The following RNF43 variants were observed in gnomAD, a reference collection of about 807,000 sequenced individuals.
The protein encoded by RNF43 is ring finger protein 43, also known as E3 ubiquitin-protein ligase RNF43.
A neutral mutation model predicts 78.4 loss-of-function variants in RNF43; 37 were observed. The observed-to-expected ratio is 0.47, with a 90% CI of 0.36 to 0.62. RNF43 has a LOEUF of 0.62. Ranked by LOEUF, RNF43 falls within the 20% of genes least tolerant of loss-of-function variation. RNF43 has a pLI of 0.00. For synonymous variants in RNF43, 347 were observed against 395.0 expected (o/e 0.88, Z 1.44); for missense variants, 774 against 1,007.9 (o/e 0.77, Z 3.14).
chr17:58,377,576 G>A (rs554557329), intron 2 of RNF43, among the ~76,000 whole-genome samples: 57 of 152,170 alleles, frequency 3.7e-4, no homozygotes, highest in Non-Finnish European at 6.2e-4. Context: ...CTTAATGCTG[G>A]TCTCCCCTTA....
In RNF43 at chr17:58,393,777, G is replaced by A. The variant is rs116503817; in HGVS notation, c.252+21549C>T. Among the ~76,000 whole-genome samples the A allele has an allele frequency of 6.8e-3, 1,033 of 152,256 alleles. 11 individuals carry two copies. The highest frequency in any genetic ancestry group is 0.023 in the African/African-American group (948 of 41,554). ...TGAATAGAAACACAACTGGAGGGCC[G>A]GGCGCGGTGGCTCACGCCTGTAATC... On this transcript the variant is annotated intron_variant, in intron 2 of 9. Coordinates refer to ENST00000407977, the MANE Select transcript of RNF43 (RefSeq NM_017763.6).
At chr17:58,370,169 C>T (rs143068999) in intron 3 of RNF43, among the ~76,000 whole-genome samples, 1,805 of 147,248 alleles carry the variant, frequency 0.012, 16 homozygotes, top group Middle Eastern at 0.04. Flanking sequence ...CCTGGGTTCA[C>T]ACCATTCTCC....
chr17:58,362,925 G>T (rs1972868197), intron 5 of RNF43, among the ~76,000 whole-genome samples: 1 of 152,244 alleles, frequency 6.6e-6, no homozygotes, highest in Non-Finnish European at 1.5e-5. Context: ...CAAGGTGGGA[G>T]TTTCTTGCCA....
Position 58,354,852 on chromosome 17 carries a change from G to T in RNF43, c.*91C>A. ...GGCAAAAAGAATGGTGTTTGCTGTG[G>T]TCCTTTCCTTTCCCAGGAGCAGGAC... On this transcript the variant is annotated 3_prime_UTR_variant, in exon 10 of 10. Transcript: ENST00000407977. 4 of 1,148,210 alleles carry T rather than the reference G, an allele frequency of 3.5e-6. No individual in the cohort carries two copies. Among genetic ancestry groups the T allele is most frequent in the South Asian group, 1.2e-5 (1 of 80,546 alleles). 71.1% of individuals were successfully genotyped at this position (1,148,210 alleles called of 1,614,324 possible).
At chr17:58,390,608 G>A (rs1973532194) in intron 2 of RNF43, among the ~76,000 whole-genome samples, 2 of 152,182 alleles carry the variant, frequency 1.3e-5, no homozygotes, top group Non-Finnish European at 1.5e-5. Flanking sequence ...ATCAGAAAAG[G>A]GTCTTCTGAA....
At chr17:58,361,193 C>T (rs1056268102) in intron 6 of RNF43, among the ~76,000 whole-genome samples, 5 of 152,208 alleles carry the variant, frequency 3.3e-5, no homozygotes, top group African/African-American at 4.8e-5. Context: ...TTTATCCAAC[C>T]GCTGCTTGAC....
chr17:58,373,428 A>G (rs1973143264), intron 2 of RNF43, among the ~76,000 whole-genome samples: 1 of 152,228 alleles, frequency 6.6e-6, no homozygotes, highest in Admixed American at 6.5e-5. Context: ...GAAGGAATGG[A>G]AGGAAATTAA....
chr17:58,391,329 C>T (rs539662458), intron 2 of RNF43, among the ~76,000 whole-genome samples: 1 of 152,360 alleles, frequency 6.6e-6, no homozygotes, highest in South Asian at 2.1e-4. Flanking sequence ...TCCACCACTA[C>T]CCCCATTCCA....
chr17:58,417,451 T>C lies in RNF43; in HGVS notation c.-820A>G, dbSNP rs1026612668. ...AAAATCCCAGAGAGAGAGAAGGCAG[T>C]ATCTCTGAATCATGGATGGACTTGG... On this transcript the variant is annotated 5_prime_UTR_variant, in exon 1 of 10. In the 5' UTR this introduces an upstream ATG that the reference lacks. Transcript: ENST00000407977. 2.6e-5 allele frequency: 4 copies of C among 152,242 alleles called. No homozygotes were observed. Among genetic ancestry groups the C allele is most frequent in the African/African-American group, 4.8e-5 (2 of 41,460 alleles). 9.4% of individuals were successfully genotyped at this position (152,242 alleles called of 1,614,324 possible).
intron 2 of RNF43, among the ~76,000 whole-genome samples, chr17:58,406,183 A>G (rs1028094483): frequency 6.6e-6 from 1 of 152,176 alleles, no homozygotes; most frequent in African/African-American, 2.4e-5. Flanking sequence ...TTGACTAGGG[A>G]TCAAAGAGGA....
At chr17:58,368,533 C>T (rs373334922) in intron 3 of RNF43, among the ~76,000 whole-genome samples, 4 of 150,582 alleles carry the variant, frequency 2.7e-5, no homozygotes, top group Admixed American at 1.3e-4. Context: ...GGCAACAGAG[C>T]GAGACTCCAT....
At chr17:58,369,447 T>C (rs1002460999) in intron 3 of RNF43, among the ~76,000 whole-genome samples, 7 of 152,222 alleles carry the variant, frequency 4.6e-5, no homozygotes, top group Admixed American at 2.0e-4. Flanking sequence ...GCTGTTTCCT[T>C]GTGCCCAGGA....
At chr17:58,381,410 T>C (rs1973315018) in intron 2 of RNF43, among the ~76,000 whole-genome samples, 1 of 152,126 alleles carries the variant, frequency 6.6e-6, no homozygotes, top group Non-Finnish European at 1.5e-5. Context: ...GAGGCCTGCT[T>C]TGGGGGGACT....
At chr17:58,363,216 T>C in intron 5 of RNF43, 59 bp downstream of exon 5, 1 of 1,594,440 alleles carries the variant, frequency 6.3e-7, no homozygotes, top group South Asian at 1.1e-5. Flanking sequence ...TGGTGGGAGT[T>C]GCCACAGGAC....
chr17:58,383,987 C>T (rs1973379147), intron 2 of RNF43, among the ~76,000 whole-genome samples: 1 of 152,190 alleles, frequency 6.6e-6, no homozygotes, highest in African/African-American at 2.4e-5. Flanking sequence ...GCTTCAGCTT[C>T]CCGGCAGCTT....
chr17:58,371,105 C>G (rs2143517751), intron 2 of RNF43, 72 bp from the exon 3 acceptor site: 1 of 1,395,892 alleles, frequency 7.2e-7, no homozygotes, highest in Non-Finnish European at 9.5e-7. Context: ...CCATATACCT[C>G]TCCATTTTTC....
rs767663775 is a variant in RNF43, at chr17:58,358,459, C to T, written c.1317G>A (p.Arg439=). 6.3e-5 allele frequency: 102 copies of T among 1,613,702 alleles called. No homozygotes were observed. The highest frequency in any genetic ancestry group is 1.5e-4 in the Admixed American group (9 of 59,994). ...CTCCAGATCCACTGCTGTCAGGGGG[C>T]CTGGCCCGGCGTAGGGGCACTGGGC... The part of the protein sequence containing the change: ...AACPVPLRRA[R]PPDSSGSGES... Residue 439 remains arginine (R), a synonymous_variant, in exon 9 of 10, where the codon AGG becomes AGA. Coordinates refer to ENST00000407977, the MANE Select transcript of RNF43 (RefSeq NM_017763.6). The surrounding 1 kb of genome is among the most constrained non-coding windows in gnomAD (Gnocchi z 6.2).
chr17:58,397,663 CA>C (rs573256327), intron 2 of RNF43, among the ~76,000 whole-genome samples: 2,330 of 78,026 alleles, frequency 0.03, 50 homozygotes, highest in African/African-American at 0.095. Context: ...AACTCCGTCT[CA>C]AAAAAAAAAA....
At chr17:58,356,842 C>G (rs1403012576) in intron 9 of RNF43, 2 of 250,946 alleles carry the variant, frequency 8.0e-6, no homozygotes, top group Middle Eastern at 1.3e-3. Context: ...AATTTAGAAA[C>G]ACTTATGTTT....
Sources: allele counts gnomAD v4.1 joint callset (sites outside exome capture counted in the v4.1 genomes callset), GRCh38; gene constraint gnomAD v4.1.1; non-coding constraint Gnocchi (gnomAD v3.1); transcripts MANE v1.5; gene names NCBI Gene and HGNC (gene_info 2026-07-23, HGNC 2026-07-21).